The following PCDHA1 variants were observed in gnomAD, a reference collection of about 807,000 sequenced individuals.
The protein encoded by PCDHA1 is protocadherin alpha 1, also known as protocadherin alpha-1.
A neutral mutation model predicts 61.3 loss-of-function variants in PCDHA1; 42 were observed. That is an observed-to-expected ratio of 0.69 (90% CI 0.54 to 0.89). The LOEUF (loss-of-function observed/expected upper bound fraction) is 0.89. PCDHA1 is among the 40% of genes least tolerant of loss of function. The pLI is 0.00. For missense variants in PCDHA1, 1,256 were observed against 1,235.3 expected, an observed-to-expected ratio of 1.02 and a Z score of -0.25; for synonymous variants, 610 against 553.8, an observed-to-expected ratio of 1.10 and a Z score of -1.43.
intron 1 of PCDHA1, chr5:140,802,725 G>C: frequency 1.2e-6 from 2 of 1,612,628 alleles, no homozygotes; most frequent in Non-Finnish European, 1.7e-6. Context: ...CTACGTGTCG[G>C]TACACGCGGA....
chr5:140,879,659 C>T (rs782370828), intron 1 of PCDHA1, among the ~76,000 whole-genome samples: 4 of 152,142 alleles, frequency 2.6e-5, no homozygotes, highest in East Asian at 3.8e-4. Flanking sequence ...CTATAACAAA[C>T]GAACACAAAC....
chr5:140,808,339 G>C, intron 1 of PCDHA1: 1 of 1,614,246 alleles, frequency 6.2e-7, no homozygotes, highest in East Asian at 2.2e-5. Context: ...TCAATGGGCT[G>C]GTCACCTGCT....
intron 1 of PCDHA1, chr5:140,857,265 T>G: frequency 1.3e-6 from 2 of 1,598,672 alleles, no homozygotes; most frequent in Non-Finnish European, 1.7e-6. Flanking sequence ...TACTACTCAT[T>G]GGTGCTGGAC....
intron 1 of PCDHA1, among the ~76,000 whole-genome samples, chr5:140,942,409 TAAA>T (rs78736997): frequency 7.0e-6 from 1 of 143,620 alleles, no homozygotes; most frequent in Non-Finnish European, 1.5e-5. Context: ...AGACTCTGTT[TAAA>T]AAAAAAAAAG....
chr5:140,968,694 G>A, intron 1 of PCDHA1: 1 of 1,614,092 alleles, frequency 6.2e-7, no homozygotes, highest in Non-Finnish European at 8.5e-7. Flanking sequence ...GGAGAAATTA[G>A]GACTACCAGG....
intron 1 of PCDHA1, among the ~76,000 whole-genome samples, chr5:140,924,152 C>A (rs1163487854): frequency 6.6e-6 from 1 of 152,176 alleles, no homozygotes. Flanking sequence ...TGAAGAAATG[C>A]ACATCCTAAT....
chr5:140,954,046 G>T (rs1554221229), intron 1 of PCDHA1, among the ~76,000 whole-genome samples: 1 of 152,124 alleles, frequency 6.6e-6, no homozygotes, highest in East Asian at 1.9e-4. Context: ...TTGGTTTTCT[G>T]TTCCTGCATT....
chr5:140,896,959 T>C (rs1486927062), intron 1 of PCDHA1, among the ~76,000 whole-genome samples: 1 of 152,204 alleles, frequency 6.6e-6, no homozygotes, highest in Non-Finnish European at 1.5e-5. Context: ...CCTTAAACAT[T>C]TATTCTTTGC....
At position 140,807,809 on chromosome 5, in the gene PCDHA1, A is replaced by AT. The variant is rs782733777; in HGVS notation, c.2394+19132dup. The AT allele has an allele frequency of 6.8e-6, 11 of 1,613,960 alleles. 1 individual carries two copies. In the African/African-American group the frequency reaches 8.0e-5, roughly 12 times the overall value. On this transcript the variant is annotated intron_variant, in intron 1 of 3. Coordinates refer to ENST00000504120, the MANE Select transcript of PCDHA1 (RefSeq NM_018900.4). ...TTTAGACAGAGAAGAAGCTCCGGAG[A>AT]TTTTTTTAGTGCTCACAGCCACTGA...
At chr5:140,810,339 G>A (rs1344162915) in intron 1 of PCDHA1, 5 of 152,044 alleles carry the variant, frequency 3.3e-5, no homozygotes, top group African/African-American at 4.8e-5. Context: ...TTTCTCTCAG[G>A]TTTTTGCCTA....
rs2150357213 is a variant in PCDHA1 at position 140,843,314 on chromosome 5, G to T, written c.2394+54630G>T. 3.8e-6 allele frequency: 6 copies of T among 1,596,084 alleles called. 2 individuals carry two copies. Among genetic ancestry groups the T allele is most frequent in the Non-Finnish European group, 5.1e-6 (6 of 1,165,598 alleles). ...ACCTGCGCTGACCGCCACGGCCACG[G>T]TTCTGGTGTCGCTGGTGGAGAGCGG... is the stretch of plus-strand genomic sequence containing the variant. On this transcript the variant is annotated intron_variant, in intron 1 of 3. Transcript: ENST00000504120.
At chr5:140,836,647 G>A (rs2150266694) in intron 1 of PCDHA1, 3 of 1,613,346 alleles carry the variant, frequency 1.9e-6, no homozygotes, top group South Asian at 2.2e-5. Context: ...CAGCAGAGGC[G>A]GCAGAGGGTG....
intron 1 of PCDHA1, chr5:140,865,754 C>T (rs1554159601): frequency 6.6e-6 from 1 of 152,144 alleles, no homozygotes; most frequent in East Asian, 1.9e-4. Context: ...AGTGCCAGTA[C>T]ATGGTGGAGA....
intron 1 of PCDHA1, chr5:140,825,908 A>G (rs1214842768): frequency 6.6e-6 from 1 of 152,422 alleles, no homozygotes; most frequent in Non-Finnish European, 1.5e-5. Flanking sequence ...GTTTGAGACT[A>G]CGCTAGACAG....
chr5:140,861,341 A>C (rs1554154533), intron 1 of PCDHA1: 1 of 280,406 alleles, frequency 3.6e-6, no homozygotes, highest in African/African-American at 2.2e-5. Context: ...GGAAGAGGCC[A>C]AGGACGGCAC....
At chr5:140,808,921 C>T in intron 1 of PCDHA1, 2 of 1,613,590 alleles carry the variant, frequency 1.2e-6, no homozygotes, top group South Asian at 2.2e-5. Context: ...GCGCAGTGAG[C>T]GAGCTGGTGC....
At position 140,927,971 on chromosome 5, in the gene PCDHA1, C is replaced by T. The variant is rs868922082; in HGVS notation, c.2395-50978C>T. On this transcript the variant is annotated intron_variant, in intron 1 of 3. Transcript: ENST00000504120. ...GACGCTGCCCCTGGCACAGTGATTGCTCTCTTTAGTGTAAAGGATGAAGAC... is the reference window on the plus strand; with the variant it reads ...GACGCTGCCCCTGGCACAGTGATTGTTCTCTTTAGTGTAAAGGATGAAGAC... 5.0e-6 allele frequency: 8 copies of T among 1,614,224 alleles called. No homozygotes were observed. In the African/African-American group the frequency reaches 9.3e-5, roughly 19 times the overall value.
intron 1 of PCDHA1, chr5:140,816,072 A>G (rs1300909474): frequency 1.3e-5 from 2 of 152,144 alleles, no homozygotes; most frequent in African/African-American, 4.8e-5. Flanking sequence ...TTCAGATGTA[A>G]TTTTAAAAAA....
chr5:140,929,413 A>G, intron 1 of PCDHA1: 1 of 1,505,438 alleles, frequency 6.6e-7, no homozygotes, highest in Non-Finnish European at 8.9e-7. Context: ...AGCCTTTCAC[A>G]ACATTTCATC....
Sources: allele counts gnomAD v4.1 joint callset (sites outside exome capture counted in the v4.1 genomes callset), GRCh38; gene constraint gnomAD v4.1.1; transcripts MANE v1.5; gene names NCBI Gene and HGNC (gene_info 2026-07-23, HGNC 2026-07-21).